PRKAB1: variants seen among roughly 807,000 people sequenced by gnomAD.
PRKAB1 encodes the protein 5'-AMP-activated protein kinase subunit beta-1.
A neutral mutation model predicts 32.0 loss-of-function variants in PRKAB1; 18 were observed. The ratio of observed to expected loss-of-function variants is 0.56; its 90% confidence interval spans 0.39 to 0.83. The LOEUF is 0.83. Ranked by LOEUF, PRKAB1 falls within the 40% of genes least tolerant of loss-of-function variation. The probability of loss-of-function intolerance (pLI) is 0.00; values close to 1 mark genes in which losing one functional copy is unlikely to be tolerated. For synonymous variants in PRKAB1, 141 were observed against 141.4 expected (o/e 1.00, Z 0.02); for missense variants, 263 against 352.6 (o/e 0.75, Z 2.03).
chr12:119,669,135 A>T (rs1200438771), intron 1 of PRKAB1, among the ~76,000 whole-genome samples: 2 of 151,152 alleles, frequency 1.3e-5, no homozygotes, highest in Non-Finnish European at 2.9e-5. Flanking sequence ...AATATAAATA[A>T]AAATAAAAAA....
At chr12:119,670,069 A>C (rs1003884945) in intron 1 of PRKAB1, 12 of 152,224 alleles carry the variant, frequency 7.9e-5, no homozygotes, top group Admixed American at 7.2e-4. Context: ...TTTAAATTCA[A>C]AAACTCAGGT....
Position 119,674,967 on chromosome 12 carries a change from C to T in PRKAB1, c.532+513C>T, listed in dbSNP as rs1487776801. Among the ~76,000 whole-genome samples the T allele has an allele frequency of 6.6e-6, 1 of 152,248 alleles. No individual in the cohort carries two copies. Among genetic ancestry groups the T allele is most frequent in the Admixed American group, 6.5e-5 (1 of 15,280 alleles). ...AAACAGCCTGCACAGCCCAACTCTC[C>T]TTGATGGGAAGCTATTTGGTACAGA... On this transcript the variant is annotated intron_variant, in intron 4 of 6. Transcript: ENST00000229328. This position sits in a 1 kb window ranked among gnomAD's most constrained non-coding sequence, Gnocchi z 4.3.
chr12:119,676,613 C>G lies in PRKAB1; in HGVS notation c.609C>G (p.Pro203=). 1 of 1,614,064 alleles carries G rather than the reference C, an allele frequency of 6.2e-7. No individual in the cohort carries two copies. The highest frequency in any genetic ancestry group is 8.5e-7 in the Non-Finnish European group (1 of 1,179,992). The change falls in exon 5 of 7, where the codon CCC becomes CCG. Residue 203 remains proline (P), a synonymous_variant. Transcript: ENST00000229328. ...VCKPEERFRA[P]PILPPHLLQV... ...AACCCGAAGAGCGCTTTCGGGCACC[C>G]CCTATTCTCCCCCCACATCTCCTCC...
chr12:119,668,868 G>A (rs1363532348), intron 1 of PRKAB1, among the ~76,000 whole-genome samples: 1 of 152,218 alleles, frequency 6.6e-6, no homozygotes, highest in Non-Finnish European at 1.5e-5. Context: ...CAAGCTGAAA[G>A]TAGAGCGGAA....
Position 119,669,430 on chromosome 12 carries a change from G to C in PRKAB1, c.159+1027G>C, listed in dbSNP as rs376829683. On this transcript the variant is annotated intron_variant, in intron 1 of 6. Coordinates refer to ENST00000229328, the MANE Select transcript of PRKAB1 (RefSeq NM_006253.5). ...CGACAGGCACCCGCCACCACGCCCG[G>C]CTAATTTTTTATATTTTTAGTAGAG... 3 of 150,456 alleles carry C rather than the reference G, an allele frequency of 2.0e-5. No homozygotes were observed. In the East Asian group the frequency reaches 6.1e-4, roughly 30 times the overall value. 9.3% of individuals were successfully genotyped at this position (150,456 alleles called of 1,614,324 possible). A position where few individuals can be genotyped will look rare whatever the true frequency, so the allele number is the denominator to read the frequency against.
chr12:119,676,732 C>T lies in PRKAB1; in HGVS notation c.666+62C>T. The T allele has an allele frequency of 1.3e-6, 2 of 1,566,766 alleles. 1 individual carries two copies. The highest frequency in any genetic ancestry group is 2.3e-5 in the South Asian group (2 of 86,578). ...GGGTCATGTTCAGTTGCTTTCTTTC[C>T]TGTGTCCACCTCTTGCAAAGCAGCT... is the stretch of plus-strand genomic sequence containing the variant. On this transcript the variant is annotated intron_variant, in intron 5 of 6. Coordinates refer to ENST00000229328, the MANE Select transcript of PRKAB1 (RefSeq NM_006253.5).
intron 1 of PRKAB1, among the ~76,000 whole-genome samples, chr12:119,671,925 G>A (rs545013508): frequency 1.3e-5 from 2 of 152,204 alleles, no homozygotes; most frequent in Non-Finnish European, 2.9e-5. Context: ...GCACATGACT[G>A]TACTTCAAAT....
At chr12:119,669,476 C>G (rs867082611) in intron 1 of PRKAB1, 14 of 151,304 alleles carry the variant, frequency 9.3e-5, no homozygotes, top group African/African-American at 3.4e-4. Flanking sequence ...ACCGTGTTAG[C>G]CAGGATGGTC....
rs1399001751 is a variant in PRKAB1, at chr12:119,681,046, A to G, written c.*721A>G. 1 of 152,600 alleles carries G rather than the reference A, an allele frequency of 6.6e-6. No individual in the cohort carries two copies. Among genetic ancestry groups the G allele is most frequent in the Non-Finnish European group, 1.5e-5 (1 of 68,056 alleles). The allele number at this position is 152,600 out of a possible 1,614,324, so 9.5% of individuals were successfully genotyped here. A position where few individuals can be genotyped will look rare whatever the true frequency, so the allele number is the denominator to read the frequency against. On this transcript the variant is annotated 3_prime_UTR_variant, in exon 7 of 7. Coordinates refer to ENST00000229328, the MANE Select transcript of PRKAB1 (RefSeq NM_006253.5). ...CTCTGCTCAGCAATAATCTGTTCTC[A>G]GAACAGACTTTTCAACCTGCTGCCG...
chr12:119,672,534 A>G (rs1051629967), intron 2 of PRKAB1, 70 bp downstream of exon 2: 1 of 1,399,840 alleles, frequency 7.1e-7, no homozygotes, highest in Non-Finnish European at 9.4e-7. Context: ...CATCTCTGAG[A>G]GAGAACAGAA....
At position 119,680,485 on chromosome 12, in the gene PRKAB1, A is replaced by C. The variant is rs924685622; in HGVS notation, c.*160A>C. 23 of 743,794 alleles carry C rather than the reference A, an allele frequency of 3.1e-5. No individual in the cohort carries two copies. The African/African-American group carries it at 3.7e-4, about 12-fold the overall frequency. The allele number at this position is 743,794 out of a possible 1,614,324, so 46.1% of individuals were successfully genotyped here. A position where few individuals can be genotyped will look rare whatever the true frequency, so the allele number is the denominator to read the frequency against. Reference sequence around the variant, plus strand: ...CCTGCTTGAAGGTTTGTCCAGGCAGAGCAGCTCCTGCAGCGCCTCGGTCTG... The same window carrying C: ...CCTGCTTGAAGGTTTGTCCAGGCAGCGCAGCTCCTGCAGCGCCTCGGTCTG... On this transcript the variant is annotated 3_prime_UTR_variant, in exon 7 of 7. Transcript: ENST00000229328.
At position 119,672,303 on chromosome 12, in the gene PRKAB1, A is replaced by G. The variant is rs1218706323; in HGVS notation, c.162A>G (p.Ala54=). 6.2e-7 allele frequency: 1 copy of G among 1,605,254 alleles called. No individual in the cohort carries two copies. Among genetic ancestry groups the G allele is most frequent in the Non-Finnish European group, 8.5e-7 (1 of 1,176,020 alleles). ...ADLFHSEEIK[A]PEKEEFLAWQ... The stretch of plus-strand genomic sequence containing the variant: ...TGAGTAAACTGCTCTGCTTCTAGGC[A>G]CCAGAGAAGGAGGAATTCCTGGCCT... The change falls in exon 2 of 7, where the codon GCA becomes GCG. Residue 54 remains alanine (A), a splice_region_variant and synonymous_variant. Transcript: ENST00000229328.
chr12:119,671,514 A>T (rs1955388815), intron 1 of PRKAB1: 1 of 415,242 alleles, frequency 2.4e-6, no homozygotes, highest in African/African-American at 2.0e-5. Flanking sequence ...AGAGAATGAG[A>T]GCAAGCAGGG....
intron 5 of PRKAB1, 26 bp downstream of exon 5, chr12:119,676,696 C>T: frequency 6.2e-7 from 1 of 1,610,702 alleles, no homozygotes; most frequent in South Asian, 1.1e-5. Context: ...TCTGCCCGGA[C>T]CATCCGCCGT....
In PRKAB1 at chr12:119,673,888, T is replaced by C. The variant is rs867880772; in HGVS notation, c.324-76T>C. On this transcript the variant is annotated intron_variant, in intron 2 of 6. Transcript: ENST00000229328. ...TTGGTTTTATGTGGAAACGTTTTGT[T>C]CTGTAGCTGGTTTGGCAAGTAAGCT... is the stretch of plus-strand genomic sequence containing the variant. 14 of 1,223,574 alleles carry C rather than the reference T, an allele frequency of 1.1e-5. No individual in the cohort carries two copies. In the Middle Eastern group the frequency reaches 2.1e-3, roughly 185 times the overall value. 75.8% of individuals were successfully genotyped at this position (1,223,574 alleles called of 1,614,324 possible).
intron 4 of PRKAB1, among the ~76,000 whole-genome samples, chr12:119,675,726 T>C (rs1277362803): frequency 6.6e-6 from 1 of 152,240 alleles, no homozygotes; most frequent in Non-Finnish European, 1.5e-5. Flanking sequence ...GTGATATGGT[T>C]GGGTCACATA....
At chr12:119,672,569 G>C in intron 2 of PRKAB1, 105 bp downstream of exon 2, 3 of 1,257,228 alleles carry the variant, frequency 2.4e-6, no homozygotes, top group Non-Finnish European at 2.1e-6. Context: ...TAAAATGGAT[G>C]CCTAGTGGAA....
intron 5 of PRKAB1, chr12:119,678,700 G>A (rs962852817): frequency 2.6e-5 from 4 of 152,200 alleles, no homozygotes; most frequent in African/African-American, 9.7e-5. Flanking sequence ...GATTCCTTTT[G>A]TAAGGCTCAG....
At chr12:119,675,521 G>A (rs774080328) in intron 4 of PRKAB1, among the ~76,000 whole-genome samples, 3 of 152,172 alleles carry the variant, frequency 2.0e-5, no homozygotes, top group Non-Finnish European at 4.4e-5. Context: ...ATAACTTACT[G>A]ATACATGTAA....
Sources: allele counts gnomAD v4.1 joint callset (sites outside exome capture counted in the v4.1 genomes callset), GRCh38; gene constraint gnomAD v4.1.1; non-coding constraint Gnocchi (gnomAD v3.1); transcripts MANE v1.5; gene names NCBI Gene and HGNC (gene_info 2026-07-23, HGNC 2026-07-21).